The following MYO1E variants were observed in gnomAD, a reference collection of about 807,000 sequenced individuals.
MYO1E encodes myosin IE.
A neutral mutation model predicts 151.1 loss-of-function variants in MYO1E; 68 were observed. The ratio of observed to expected loss-of-function variants is 0.45; its 90% CI spans 0.37 to 0.55. The LOEUF (loss-of-function observed/expected upper bound fraction) is 0.55. Among genes scored for constraint, MYO1E ranks in the 20% least tolerant of loss-of-function variants. The pLI, the probability that MYO1E is intolerant of heterozygous loss-of-function variation, is 0.00. For missense variants in MYO1E, 1,363 were observed against 1,389.3 expected, an observed-to-expected ratio of 0.98 and a Z score of 0.30; for synonymous variants, 601 against 501.7, an observed-to-expected ratio of 1.20 and a Z score of -2.64.
At chr15:59,366,643 A>C (rs1160011169) in intron 1 of MYO1E, among the ~76,000 whole-genome samples, 4 of 152,182 alleles carry the variant, frequency 2.6e-5, no homozygotes, top group Admixed American at 2.0e-4. Context: ...ATGGGTTGTC[A>C]AAGTTCATGT....
At chr15:59,149,341 C>T (rs1451328187) in intron 26 of MYO1E, among the ~76,000 whole-genome samples, 1 of 152,152 alleles carries the variant, frequency 6.6e-6, no homozygotes, top group Non-Finnish European at 1.5e-5. Context: ...CAGGCGTGAG[C>T]CACCGCGCCC....
In MYO1E at chr15:59,348,897, C is replaced by T. The variant is rs537592318; in HGVS notation, c.3+23601G>A. The T allele has an allele frequency of 3.3e-5, 5 of 152,362 alleles. 1 individual carries two copies. Among genetic ancestry groups the T allele is most frequent in the South Asian group, 4.1e-4 (2 of 4,826 alleles). The allele number at this position is 152,362 out of a possible 1,614,324, so 9.4% of individuals were successfully genotyped here. A position where few individuals can be genotyped will look rare whatever the true frequency, so the allele number is the denominator to read the frequency against. ...CCGCCCACCTAGGCCTCCCAAAGTG[C>T]TGGGATTATAGGCGTGAGCCACCGC... is the stretch of plus-strand genomic sequence containing the variant. On this transcript the variant is annotated intron_variant, in intron 1 of 27. Coordinates refer to ENST00000288235, the MANE Select transcript of MYO1E (RefSeq NM_004998.4).
At chr15:59,252,745 G>A (rs565127932) in intron 4 of MYO1E, among the ~76,000 whole-genome samples, 2 of 145,904 alleles carry the variant, frequency 1.4e-5, no homozygotes, top group South Asian at 4.4e-4. Flanking sequence ...GAATTAGCCA[G>A]GCATGGTGGT....
chr15:59,277,477 G>A lies in MYO1E; in HGVS notation c.4-5028C>T, dbSNP rs369170923. 3.0e-4 allele frequency among the ~76,000 whole-genome samples: 45 copies of A among 151,044 alleles called. 1 individual carries two copies. Among genetic ancestry groups the A allele is most frequent in the African/African-American group, 9.3e-4 (38 of 40,908 alleles). On this transcript the variant is annotated intron_variant, in intron 1 of 27. Transcript: ENST00000288235. The stretch of plus-strand genomic sequence containing the variant: ...GGAGAATTGCTTGAACCCAGGAGGC[G>A]GAGGTTGCAGTGAGCTGAGATCGGG...
intron 4 of MYO1E, among the ~76,000 whole-genome samples, chr15:59,238,974 G>C (rs1261567520): frequency 2.0e-5 from 3 of 151,574 alleles, no homozygotes; most frequent in Admixed American, 6.6e-5. Flanking sequence ...GGGAGGCCAA[G>C]GTGGACGGAT....
In MYO1E at chr15:59,273,116, G is replaced by T. The variant is rs558669919; in HGVS notation, c.4-667C>A. ...TAACGAGGATGTGGACAGGACAGACGAAACGAGATCACGGAACATGCCCAG... is the reference window on the plus strand; with the variant it reads ...TAACGAGGATGTGGACAGGACAGACTAAACGAGATCACGGAACATGCCCAG... On this transcript the variant is annotated intron_variant, in intron 1 of 27. Transcript: ENST00000288235. Among the ~76,000 whole-genome samples the T allele has an allele frequency of 2.6e-5, 4 of 152,314 alleles. No individual in the cohort carries two copies. The South Asian group carries it at 8.3e-4, about 32-fold the overall frequency.
Position 59,372,752 on chromosome 15 carries a change from T to C in MYO1E, c.-252A>G, listed in dbSNP as rs2080956190. 3.6e-6 allele frequency: 2 copies of C among 549,240 alleles called. No individual in the cohort carries two copies. Among genetic ancestry groups the C allele is most frequent in the Non-Finnish European group, 3.2e-6 (1 of 312,396 alleles). 34.0% of individuals were successfully genotyped at this position (549,240 alleles called of 1,614,324 possible). A position where few individuals can be genotyped will look rare whatever the true frequency, so the allele number is the denominator to read the frequency against. On this transcript the variant is annotated 5_prime_UTR_variant, in exon 1 of 28. Transcript: ENST00000288235. ...CATGCTGCGGAGGGCAAGAGTCCAC[T>C]CGTACTCGCCGGTCGCCGCCGGCCC...
chr15:59,246,581 A>G (rs1486129775), intron 4 of MYO1E, among the ~76,000 whole-genome samples: 4 of 152,116 alleles, frequency 2.6e-5, no homozygotes, highest in African/African-American at 9.7e-5. Context: ...CTGCTGCAAT[A>G]GATTTCCATA....
At chr15:59,263,991 CAT>C (rs2080239082) in intron 2 of MYO1E, among the ~76,000 whole-genome samples, 1 of 152,170 alleles carries the variant, frequency 6.6e-6, no homozygotes, top group South Asian at 2.1e-4. Context: ...TAATTAAACA[CAT>C]ATACATTTAC....
chr15:59,261,347 A>T, intron 3 of MYO1E, 73 bp downstream of exon 3: 1 of 1,090,236 alleles, frequency 9.2e-7, no homozygotes, highest in Non-Finnish European at 1.4e-6. Context: ...AAGTACTGCT[A>T]ACTTCAAGAA....
intron 12 of MYO1E, among the ~76,000 whole-genome samples, chr15:59,211,938 T>C (rs74842310): frequency 0.1 from 15,681 of 151,956 alleles, 1,170 homozygotes; most frequent in African/African-American, 0.21. Flanking sequence ...CCCTGACTCA[T>C]CCCACTCTAT....
At chr15:59,235,467 T>C (rs1596378475) in intron 5 of MYO1E, among the ~76,000 whole-genome samples, 1 of 152,364 alleles carries the variant, frequency 6.6e-6, no homozygotes, top group Non-Finnish European at 1.5e-5. Flanking sequence ...TAATTAATGA[T>C]ACATCTTGGA....
intron 1 of MYO1E, among the ~76,000 whole-genome samples, chr15:59,316,669 T>C (rs966796385): frequency 6.6e-6 from 1 of 152,250 alleles, no homozygotes; most frequent in Non-Finnish European, 1.5e-5. Context: ...CTTTCAATTA[T>C]AAAATTTATC....
At position 59,137,300 on chromosome 15, in the gene MYO1E, G is replaced by T. The variant is rs187936977; in HGVS notation, c.*80C>A. The T allele has an allele frequency of 3.9e-6, 5 of 1,269,466 alleles. No individual in the cohort carries two copies. The highest frequency in any genetic ancestry group is 1.2e-5 in the South Asian group (1 of 83,616). 78.6% of individuals were successfully genotyped at this position (1,269,466 alleles called of 1,614,324 possible). On this transcript the variant is annotated 3_prime_UTR_variant, in exon 28 of 28. Coordinates refer to ENST00000288235, the MANE Select transcript of MYO1E (RefSeq NM_004998.4). ...GAGAAGCAATTGCTCATTGTGGATT[G>T]TAAGGGGAGCCCCTAAATATCCCCT...
chr15:59,146,718 A>C lies in MYO1E; in HGVS notation c.3080+6872T>G, dbSNP rs550469820. 2.9e-4 allele frequency among the ~76,000 whole-genome samples: 43 copies of C among 148,524 alleles called. 1 individual carries two copies. The highest frequency in any genetic ancestry group is 1.0e-3 in the African/African-American group (41 of 40,922). On this transcript the variant is annotated intron_variant, in intron 26 of 27. Transcript: ENST00000288235. Reference sequence around the variant, plus strand: ...ATTATATATATAATATATATTACTTATATTGTATATATTATTTATATATGT... The same window carrying C: ...ATTATATATATAATATATATTACTTCTATTGTATATATTATTTATATATGT...
chr15:59,147,797 T>G (rs1400555019), intron 26 of MYO1E, among the ~76,000 whole-genome samples: 6 of 151,206 alleles, frequency 4.0e-5, no homozygotes, highest in Admixed American at 1.3e-4. Context: ...CTGCCAAGGG[T>G]GTGTGTGTGT....
Position 59,159,579 on chromosome 15 carries a change from A to G in MYO1E, c.2786-1200T>C, listed in dbSNP as rs2079526715. Among the ~76,000 whole-genome samples the G allele has an allele frequency of 6.6e-6, 1 of 152,162 alleles. No homozygotes were observed. ...CTGCTGCTTCAGGTTTGCGGATAATAATGATTTCCTGCCACTCCCTTTCCC... is the reference window on the plus strand; with the variant it reads ...CTGCTGCTTCAGGTTTGCGGATAATGATGATTTCCTGCCACTCCCTTTCCC... On this transcript the variant is annotated intron_variant, in intron 24 of 27. Transcript: ENST00000288235. This position sits in a 1 kb window ranked among gnomAD's most constrained non-coding sequence, Gnocchi z 4.4.
chr15:59,227,431 T>C, intron 7 of MYO1E, 28 bp downstream of exon 7: 1 of 1,613,682 alleles, frequency 6.2e-7, no homozygotes, highest in South Asian at 1.1e-5. Flanking sequence ...GGACAGGAAG[T>C]GGGTAGGAAA....
At chr15:59,162,473 G>A (rs374676974) in intron 23 of MYO1E, among the ~76,000 whole-genome samples, 12 of 151,928 alleles carry the variant, frequency 7.9e-5, no homozygotes, top group African/African-American at 2.4e-4. Flanking sequence ...GTGAAACCCC[G>A]TATCTACTAA....
Sources: allele counts gnomAD v4.1 joint callset (sites outside exome capture counted in the v4.1 genomes callset), GRCh38; gene constraint gnomAD v4.1.1; non-coding constraint Gnocchi (gnomAD v3.1); transcripts MANE v1.5; gene names NCBI Gene and HGNC (gene_info 2026-07-23, HGNC 2026-07-21).